The following RBFOX1 variants were observed in gnomAD, a reference collection of about 807,000 sequenced individuals.
RBFOX1 encodes RNA binding fox-1 homolog 1.
Under a neutral mutation model 57.7 loss-of-function variants are expected in RBFOX1, and 8 were observed. The ratio of observed to expected loss-of-function variants is 0.14; its 90% CI spans 0.08 to 0.25. The LOEUF (loss-of-function observed/expected upper bound fraction) is 0.25, where lower values mean the gene tolerates loss of function less well. Ranked by LOEUF, RBFOX1 falls within the 10% of genes least tolerant of loss-of-function variation. The pLI is 1.00. For synonymous variants in RBFOX1, 326 were observed against 222.4 expected, an observed-to-expected ratio of 1.47 and a Z score of -4.15; for missense variants, 611 against 548.5, an observed-to-expected ratio of 1.11 and a Z score of -1.14.
chr16:7,070,508 T>C (rs1237862790), intron 4 of RBFOX1, among the ~76,000 whole-genome samples: 1 of 152,208 alleles, frequency 6.6e-6, no homozygotes, highest in East Asian at 1.9e-4. Context: ...ATTGCATATG[T>C]GTCTTGACAT....
chr16:5,313,231 A>G (rs1208251333), intron 1 of RBFOX1, among the ~76,000 whole-genome samples: 1 of 152,138 alleles, frequency 6.6e-6, no homozygotes, highest in Non-Finnish European at 1.5e-5. Flanking sequence ...CATTTGCTGC[A>G]ACCCTTAGGA....
intron 3 of RBFOX1, among the ~76,000 whole-genome samples, chr16:6,823,812 C>T (rs1345046105): frequency 1.3e-5 from 2 of 152,162 alleles, no homozygotes; most frequent in Non-Finnish European, 2.9e-5. Flanking sequence ...ATTCCTACCT[C>T]TGGGGACCTA....
chr16:7,155,607 A>G lies in RBFOX1; in HGVS notation c.27+103509A>G, dbSNP rs553946854. Among the ~76,000 whole-genome samples the G allele has an allele frequency of 3.8e-3, 568 of 149,304 alleles. 5 individuals are homozygous for G. Among genetic ancestry groups the G allele is most frequent in the African/African-American group, 0.013 (515 of 40,320 alleles). Reference sequence around the variant, plus strand: ...TGAGCACTTGTCTGAAAAAAAAAAAAGAGTAGTGGAATAAGAGAAATACCA... The same window carrying G: ...TGAGCACTTGTCTGAAAAAAAAAAAGGAGTAGTGGAATAAGAGAAATACCA... On this transcript the variant is annotated intron_variant, in intron 4 of 15. Coordinates refer to ENST00000550418, the MANE Select transcript of RBFOX1 (RefSeq NM_018723.4).
chr16:5,594,087 C>T (rs887364164), intron 2 of RBFOX1, among the ~76,000 whole-genome samples: 8 of 152,038 alleles, frequency 5.3e-5, no homozygotes, highest in South Asian at 2.1e-4. Flanking sequence ...GTTTTACTGG[C>T]GCCATCATTG....
chr16:7,369,525 C>G (rs1055695245), intron 4 of RBFOX1, among the ~76,000 whole-genome samples: 2 of 152,154 alleles, frequency 1.3e-5, no homozygotes, highest in African/African-American at 4.8e-5. Flanking sequence ...TTACTCTTTA[C>G]ATGGTTCTAG....
intron 3 of RBFOX1, among the ~76,000 whole-genome samples, chr16:6,905,322 G>A (rs112381168): frequency 0.22 from 33,189 of 151,886 alleles, 3,991 homozygotes; most frequent in East Asian, 0.31. Flanking sequence ...GGGAGGCAGA[G>A]GCAGGTGGAT....
intron 3 of RBFOX1, among the ~76,000 whole-genome samples, chr16:5,691,923 C>T (rs1443676930): frequency 6.6e-6 from 1 of 152,182 alleles, no homozygotes; most frequent in East Asian, 1.9e-4. Context: ...TGCCTTCCTC[C>T]ACTTTGTGGT....
At chr16:6,816,308 C>A (rs1179519300) in intron 3 of RBFOX1, among the ~76,000 whole-genome samples, 1 of 152,104 alleles carries the variant, frequency 6.6e-6, no homozygotes. Flanking sequence ...GACCTTGTTG[C>A]AATCAATCAT....
At chr16:6,910,541 G>A (rs1446345111) in intron 3 of RBFOX1, among the ~76,000 whole-genome samples, 1 of 152,214 alleles carries the variant, frequency 6.6e-6, no homozygotes, top group Non-Finnish European at 1.5e-5. Context: ...CTGGAGGTCA[G>A]AAGTCCAAAA....
At chr16:6,799,972 A>C (rs762133910) in intron 3 of RBFOX1, among the ~76,000 whole-genome samples, 16 of 152,026 alleles carry the variant, frequency 1.1e-4, no homozygotes, top group Non-Finnish European at 1.8e-4. Flanking sequence ...TCCTTAATAA[A>C]CTTCCTTTCA....
chr16:5,239,866 G>A (rs976136451), exon 1 of RBFOX1: 275 of 1,347,482 alleles, frequency 2.0e-4, no homozygotes, highest in Middle Eastern at 5.0e-4. Flanking sequence ...TTCCCCAAGT[G>A]CAGGCAGAGC....
intron 3 of RBFOX1, among the ~76,000 whole-genome samples, chr16:6,693,954 C>T (rs185449019): frequency 6.6e-6 from 1 of 152,216 alleles, no homozygotes; most frequent in Non-Finnish European, 1.5e-5. Flanking sequence ...TATTATTTCT[C>T]CTATTTTACA....
intron 4 of RBFOX1, among the ~76,000 whole-genome samples, chr16:5,958,119 T>A (rs188739774): frequency 8.1e-4 from 123 of 152,360 alleles, no homozygotes; most frequent in African/African-American, 2.7e-3. Context: ...GTGATGGCAC[T>A]ACCTTTGTAG....
At chr16:7,091,572 G>C (rs1567222275) in intron 4 of RBFOX1, among the ~76,000 whole-genome samples, 1 of 151,690 alleles carries the variant, frequency 6.6e-6, no homozygotes. Flanking sequence ...TTTTCTACAG[G>C]ATCCTGAGAG....
intron 4 of RBFOX1, among the ~76,000 whole-genome samples, chr16:5,901,738 A>AT (rs958802802): frequency 3.3e-5 from 5 of 152,154 alleles, no homozygotes; most frequent in African/African-American, 1.2e-4. Flanking sequence ...TCACTACAGA[A>AT]TTTTTTGGGG....
At chr16:7,471,622 T>C (rs1394774846) in intron 4 of RBFOX1, among the ~76,000 whole-genome samples, 2 of 152,194 alleles carry the variant, frequency 1.3e-5, no homozygotes, top group Admixed American at 1.3e-4. Flanking sequence ...GGAGATGGCT[T>C]CTTTACCCAT....
At chr16:5,643,082 C>G (rs964347239) in intron 3 of RBFOX1, among the ~76,000 whole-genome samples, 4 of 152,130 alleles carry the variant, frequency 2.6e-5, no homozygotes, top group African/African-American at 9.7e-5. Context: ...GGGATATGGG[C>G]AGAGGCTCCG....
At chr16:5,709,715 G>GTGTA (rs113210560) in intron 3 of RBFOX1, among the ~76,000 whole-genome samples, 2 of 137,298 alleles carry the variant, frequency 1.5e-5, no homozygotes, top group African/African-American at 5.4e-5. Flanking sequence ...GTATTCTATG[G>GTGTA]TATATATATA....
chr16:6,501,066 C>T (rs1354657303), intron 2 of RBFOX1, among the ~76,000 whole-genome samples: 2 of 151,186 alleles, frequency 1.3e-5, no homozygotes, highest in African/African-American at 2.4e-5. Context: ...GCCCCTGGAC[C>T]CTATCCTGCT....
Sources: allele counts gnomAD v4.1 joint callset (sites outside exome capture counted in the v4.1 genomes callset), GRCh38; gene constraint gnomAD v4.1.1; transcripts MANE v1.5; gene names NCBI Gene and HGNC (gene_info 2026-07-23, HGNC 2026-07-21).